Variants in COG5 observed in about 807,000 individuals in gnomAD.
The protein encoded by COG5 is component of oligomeric golgi complex 5.
A neutral mutation model predicts 110.4 loss-of-function variants in COG5; 86 were observed. That is an observed-to-expected ratio of 0.78 (90% CI 0.65 to 0.93). The LOEUF is 0.93. Ranked by LOEUF, COG5 falls within the 40% of genes least tolerant of loss-of-function variation. The pLI is 0.00. For missense variants in COG5, 1,077 were observed against 987.0 expected (o/e 1.09, Z -1.22); for synonymous variants, 360 against 334.6 (o/e 1.08, Z -0.83).
At chr7:107,206,127 A>T (rs1222337894) in intron 21 of COG5, among the ~76,000 whole-genome samples, 1 of 151,846 alleles carries the variant, frequency 6.6e-6, no homozygotes, top group Non-Finnish European at 1.5e-5. Context: ...CACCCGGCTA[A>T]TTTTTTTGTA....
chr7:107,398,204 A>G (rs1256652450), intron 7 of COG5, among the ~76,000 whole-genome samples: 4 of 152,232 alleles, frequency 2.6e-5, no homozygotes, highest in African/African-American at 9.6e-5. Flanking sequence ...TAATAAACAA[A>G]AGCAGTCTAC....
chr7:107,480,594 A>G (rs1284159358), intron 6 of COG5, among the ~76,000 whole-genome samples: 2 of 152,184 alleles, frequency 1.3e-5, no homozygotes, highest in African/African-American at 4.8e-5. Flanking sequence ...AATAGAATAC[A>G]GAATTGTAGG....
chr7:107,209,324 T>A, intron 21 of COG5: 1 of 614,042 alleles, frequency 1.6e-6, no homozygotes, highest in Non-Finnish European at 2.0e-6. Context: ...GTTAGGTGAT[T>A]GTGACCTCCC....
At chr7:107,508,564 G>C (rs1214499547) in intron 6 of COG5, among the ~76,000 whole-genome samples, 6 of 152,238 alleles carry the variant, frequency 3.9e-5, no homozygotes, top group Admixed American at 3.9e-4. Context: ...GGAGATCTGA[G>C]AATGGGCAGA....
intron 7 of COG5, among the ~76,000 whole-genome samples, chr7:107,400,545 C>A (rs931937046): frequency 2.6e-4 from 39 of 152,090 alleles, no homozygotes; most frequent in African/African-American, 8.7e-4. Flanking sequence ...AGAGTGACTA[C>A]CAAATTTTAA....
chr7:107,306,142 CCTTT>C (rs1280497125), intron 11 of COG5, among the ~76,000 whole-genome samples: 2 of 152,078 alleles, frequency 1.3e-5, no homozygotes, highest in Non-Finnish European at 2.9e-5. Context: ...GTATATTAAT[CCTTT>C]CTAATACAAA....
intron 19 of COG5, among the ~76,000 whole-genome samples, chr7:107,216,537 T>C (rs1204165823): frequency 6.6e-6 from 1 of 152,156 alleles, no homozygotes; most frequent in Non-Finnish European, 1.5e-5. Context: ...AGAAATGAAA[T>C]CATATCAAGT....
chr7:107,311,357 C>A (rs1021679443), intron 11 of COG5, among the ~76,000 whole-genome samples: 1 of 135,766 alleles, frequency 7.4e-6, no homozygotes, highest in Non-Finnish European at 1.6e-5. Flanking sequence ...TAAGTGATAT[C>A]GAGCGTATTT....
At chr7:107,267,731 C>A (rs1803914402) in intron 14 of COG5, among the ~76,000 whole-genome samples, 1 of 151,926 alleles carries the variant, frequency 6.6e-6, no homozygotes, top group South Asian at 2.1e-4. Flanking sequence ...TAGTATTAAG[C>A]CCTAATTAAT....
At chr7:107,324,949 C>T (rs536596009) in intron 10 of COG5, among the ~76,000 whole-genome samples, 2 of 151,996 alleles carry the variant, frequency 1.3e-5, no homozygotes, top group African/African-American at 2.4e-5. Context: ...TTTTTAAATA[C>T]GGAGGGCAAT....
At chr7:107,415,665 T>TACATACA (rs1792672018) in intron 6 of COG5, among the ~76,000 whole-genome samples, 1 of 151,350 alleles carries the variant, frequency 6.6e-6, no homozygotes, top group Non-Finnish European at 1.5e-5. Context: ...TATTACAGTG[T>TACATACA]TAATTGCAAC....
intron 10 of COG5, among the ~76,000 whole-genome samples, chr7:107,354,538 T>C (rs895104727): frequency 7.9e-5 from 12 of 152,060 alleles, no homozygotes; most frequent in African/African-American, 2.7e-4. Context: ...TTAGCCAGCA[T>C]GGTGGTGGGT....
chr7:107,258,924 T>A (rs1803098416), intron 14 of COG5, among the ~76,000 whole-genome samples: 1 of 152,082 alleles, frequency 6.6e-6, no homozygotes, highest in Non-Finnish European at 1.5e-5. Context: ...GGCATCCTAA[T>A]ACACTAATGA....
At chr7:107,466,093 AG>A (rs1273308484) in intron 6 of COG5, among the ~76,000 whole-genome samples, 1 of 152,172 alleles carries the variant, frequency 6.6e-6, no homozygotes, top group Non-Finnish European at 1.5e-5. Context: ...GGGGTGATGG[AG>A]CACAAACATG....
chr7:107,421,207 G>A (rs1184717039), intron 6 of COG5, among the ~76,000 whole-genome samples: 3 of 152,018 alleles, frequency 2.0e-5, no homozygotes, highest in African/African-American at 4.8e-5. Flanking sequence ...TCCCTCCATC[G>A]TCAACAGAAA....
At chr7:107,365,408 T>C (rs1343290356) in intron 8 of COG5, among the ~76,000 whole-genome samples, 2 of 151,868 alleles carry the variant, frequency 1.3e-5, no homozygotes, top group Admixed American at 6.6e-5. Flanking sequence ...GAAGCATGCA[T>C]GCCAGTTGCT....
chr7:107,401,750 A>G (rs977534131), intron 7 of COG5, among the ~76,000 whole-genome samples: 5 of 152,204 alleles, frequency 3.3e-5, no homozygotes, highest in Admixed American at 2.6e-4. Flanking sequence ...AATCCATGAG[A>G]CAAGTCAGAA....
chr7:107,332,276 A>G (rs1455169308), intron 10 of COG5, among the ~76,000 whole-genome samples: 2 of 152,182 alleles, frequency 1.3e-5, no homozygotes, highest in Non-Finnish European at 2.9e-5. Flanking sequence ...GAAGAAAACA[A>G]TGTTGAGGGT....
chr7:107,539,526 T>A (rs935935377), intron 5 of COG5, among the ~76,000 whole-genome samples: 2 of 152,182 alleles, frequency 1.3e-5, no homozygotes, highest in Non-Finnish European at 2.9e-5. Context: ...TGCAGATTAG[T>A]TGAGAGCTTG....
Sources: gnomAD v4.1 joint callset for allele counts (sites outside exome capture counted in the v4.1 genomes callset) on GRCh38, gnomAD v4.1.1 for gene constraint, MANE v1.5 for transcripts, NCBI Gene and HGNC (gene_info 2026-07-23, HGNC 2026-07-21) for gene names.